TLN2: variants seen among roughly 807,000 people sequenced by gnomAD.
The protein encoded by TLN2 is talin 2, also known as talin-2.
TLN2 carries 118 observed loss-of-function variants against 294.7 expected under a neutral mutation model. That is an observed-to-expected ratio of 0.40 (90% CI 0.34 to 0.47). TLN2 has a LOEUF of 0.47. TLN2 is among the 20% of genes least tolerant of loss of function. The probability of loss-of-function intolerance (pLI) is 0.84; values close to 1 mark genes in which losing one functional copy is unlikely to be tolerated. For missense variants in TLN2, 3,083 were observed against 3,282.2 expected, an observed-to-expected ratio of 0.94 and a Z score of 1.48; for synonymous variants, 1,431 against 1,304.5, an observed-to-expected ratio of 1.10 and a Z score of -2.09.
chr15:62,650,297 C>G (rs2052442551), intron 5 of TLN2, 116 bp downstream of exon 5: 2 of 1,020,644 alleles, frequency 2.0e-6, no homozygotes, highest in Non-Finnish European at 1.4e-6. Context: ...TAGTTCGATG[C>G]ATTGTACTTT....
intron 3 of TLN2, among the ~76,000 whole-genome samples, chr15:62,630,323 A>G (rs1050002798): frequency 2.0e-5 from 3 of 152,206 alleles, no homozygotes; most frequent in African/African-American, 7.2e-5. Flanking sequence ...AAAGTTGTCT[A>G]GGCTAAAACC....
intron 3 of TLN2, 36 bp from the exon 4 acceptor site, chr15:62,647,239 C>A: frequency 6.6e-7 from 1 of 1,514,306 alleles, no homozygotes; most frequent in Non-Finnish European, 8.9e-7. Context: ...AAATTATTAT[C>A]GTGAACATCA....
intron 20 of TLN2, among the ~76,000 whole-genome samples, 162 bp from the exon 21 acceptor site, chr15:62,708,340 T>A (rs1445159613): frequency 6.6e-6 from 1 of 152,166 alleles, no homozygotes; most frequent in Non-Finnish European, 1.5e-5. Flanking sequence ...AGCAATGGTT[T>A]CATTGAATGA....
At chr15:62,561,202 A>G (rs118152814) in intron 1 of TLN2, among the ~76,000 whole-genome samples, 2,059 of 152,336 alleles carry the variant, frequency 0.014, 18 homozygotes, top group Middle Eastern at 0.037. Context: ...AATTCCAAAC[A>G]AAAGCTTGGG....
intron 2 of TLN2, among the ~76,000 whole-genome samples, chr15:62,600,503 G>A (rs1427055871): frequency 6.6e-6 from 1 of 152,048 alleles, no homozygotes; most frequent in Non-Finnish European, 1.5e-5. Flanking sequence ...TTCAACAATG[G>A]ACTCACTCTC....
chr15:62,551,625 G>T lies in TLN2; in HGVS notation c.-237-38062G>T, dbSNP rs1363603359. Among the ~76,000 whole-genome samples, 3 of 152,096 alleles carry T rather than the reference G, an allele frequency of 2.0e-5. No individual in the cohort carries two copies. The East Asian group carries it at 5.8e-4, about 29-fold the overall frequency. On this transcript the variant is annotated intron_variant, in intron 1 of 58. Coordinates refer to ENST00000636159, the MANE Select transcript of TLN2 (RefSeq NM_015059.3). The stretch of plus-strand genomic sequence containing the variant: ...AAGGCAGGAGAATCACTTGAACCTG[G>T]GAGATGGAGGTTGCAGTGAGCTGAG...
At chr15:62,400,969 C>T (rs2032976967) in intron 1 of TLN2, among the ~76,000 whole-genome samples, 1 of 152,010 alleles carries the variant, frequency 6.6e-6, no homozygotes, top group Non-Finnish European at 1.5e-5. Flanking sequence ...CCATGTACCA[C>T]CATGCTTGGC....
At chr15:62,421,569 C>G (rs2034395215) in intron 1 of TLN2, among the ~76,000 whole-genome samples, 1 of 151,528 alleles carries the variant, frequency 6.6e-6, no homozygotes, top group Non-Finnish European at 1.5e-5. Flanking sequence ...CAAACTAATG[C>G]AGGAACAGAA....
intron 1 of TLN2, among the ~76,000 whole-genome samples, chr15:62,540,067 CA>C (rs1182930907): frequency 2.0e-5 from 3 of 152,294 alleles, no homozygotes; most frequent in African/African-American, 4.8e-5. Context: ...AGGCTGGGTA[CA>C]GTGGCTCACA....
intron 3 of TLN2, chr15:62,637,637 T>C (rs901721374): frequency 6.6e-6 from 1 of 152,222 alleles, no homozygotes; most frequent in East Asian, 1.9e-4. Flanking sequence ...GGACAAGATA[T>C]ACATGGAAGC....
At chr15:62,565,785 G>A (rs1391878027) in intron 1 of TLN2, among the ~76,000 whole-genome samples, 1 of 152,154 alleles carries the variant, frequency 6.6e-6, no homozygotes, top group African/African-American at 2.4e-5. Flanking sequence ...ATAATAAAAT[G>A]TATTTCCCGC....
At chr15:62,744,381 A>G (rs913299126) in intron 32 of TLN2, among the ~76,000 whole-genome samples, 4 of 150,982 alleles carry the variant, frequency 2.6e-5, no homozygotes, top group African/African-American at 9.7e-5. Flanking sequence ...GAGAGCCATA[A>G]AAGATTATTT....
chr15:62,694,420 C>T (rs1467765415), intron 14 of TLN2, 28 bp downstream of exon 14: 1 of 1,590,850 alleles, frequency 6.3e-7, no homozygotes, highest in Non-Finnish European at 8.6e-7. Flanking sequence ...TACTAGAGGA[C>T]CACCTTCTCC....
chr15:62,433,964 G>C (rs889481038), intron 1 of TLN2, among the ~76,000 whole-genome samples: 4 of 152,048 alleles, frequency 2.6e-5, no homozygotes, highest in Admixed American at 6.6e-5. Flanking sequence ...ACTCCAGCCT[G>C]GGTGACAGAG....
intron 1 of TLN2, among the ~76,000 whole-genome samples, chr15:62,573,043 C>T (rs58966111): frequency 0.018 from 2,817 of 152,284 alleles, 96 homozygotes; most frequent in African/African-American, 0.064. Flanking sequence ...CAGGCCAACC[C>T]GTAACAACTC....
intron 3 of TLN2, among the ~76,000 whole-genome samples, chr15:62,643,595 A>C (rs1304402777): frequency 2.0e-5 from 3 of 151,698 alleles, no homozygotes; most frequent in Non-Finnish European, 2.9e-5. Context: ...CCCCCTCTTG[A>C]GATGTAAGGA....
intron 21 of TLN2, among the ~76,000 whole-genome samples, chr15:62,709,746 T>TTCTTTTC (rs200459227): frequency 6.6e-6 from 1 of 151,374 alleles, no homozygotes; most frequent in Non-Finnish European, 1.5e-5. Context: ...TTTTTCTTTT[T>TTCTTTTC]CTTTTTGAGA....
In TLN2 at chr15:62,725,101, A is replaced by C. The variant is rs1255153705; in HGVS notation, c.3252A>C (p.Glu1084Asp). 1 of 1,610,854 alleles carries C rather than the reference A, an allele frequency of 6.2e-7. No individual in the cohort carries two copies. Among genetic ancestry groups the C allele is most frequent in the South Asian group, 1.1e-5 (1 of 90,720 alleles). ...GCCAGCTGAAGCCACTTCCAGGGGA[A>C]ACGGTGAGCTGTTAGAGCCAGCTGG... The part of the protein sequence containing the change: ...VESQLKPLPG[E>D]TLEKCAQDLG... Residue 1084 changes from glutamate to aspartate, a missense_variant, in exon 27 of 59, where the codon GAA becomes GAC. Coordinates refer to ENST00000636159, the MANE Select transcript of TLN2 (RefSeq NM_015059.3).
At chr15:62,753,298 T>C (rs993956783) in intron 35 of TLN2, among the ~76,000 whole-genome samples, 2 of 152,116 alleles carry the variant, frequency 1.3e-5, no homozygotes, top group African/African-American at 2.4e-5. Context: ...CATGCTTCGG[T>C]AAGCTACGAG....
Sources: gnomAD v4.1 joint callset for allele counts (sites outside exome capture counted in the v4.1 genomes callset) on GRCh38, gnomAD v4.1.1 for gene constraint, MANE v1.5 for transcripts, NCBI Gene and HGNC (gene_info 2026-07-23, HGNC 2026-07-21) for gene names.